The following PROKR2 variants were observed in gnomAD, a reference collection of about 807,000 sequenced individuals.
The protein encoded by PROKR2 is G protein-coupled receptor 73-like 1.
PROKR2 carries 26 observed loss-of-function variants against 23.4 expected under a neutral mutation model. The observed-to-expected ratio is 1.11, with a 90% CI of 0.81 to 1.54. The LOEUF is 1.54. Among genes scored for constraint, PROKR2 ranks in the 40% most tolerant of loss-of-function variants. The pLI, the probability that PROKR2 is intolerant of heterozygous loss-of-function variation, is 0.00. For missense variants in PROKR2, 453 were observed against 511.5 expected (o/e 0.89, Z 1.10); for synonymous variants, 212 against 201.2 (o/e 1.05, Z -0.45).
At chr20:5,308,126 C>T (rs1256632618) in intron 2 of PROKR2, among the ~76,000 whole-genome samples, 5 of 152,190 alleles carry the variant, frequency 3.3e-5, no homozygotes. Flanking sequence ...AAGTAGCTCA[C>T]TGTGACAAAG....
rs769846786 is a variant in PROKR2, at chr20:5,302,263, T to C, written c.932A>G (p.Tyr311Cys). Residue 311 changes from tyrosine to cysteine, a missense_variant, in exon 3 of 3, where the codon TAC (tyrosine) becomes TGC (cysteine). Physicochemically the swap from Tyr to Cys is radical, Grantham distance 194. Transcript: ENST00000678254. ...FPTVFVKEKHYLTAFYVVECI... is the reference protein window; with the variant it reads ...FPTVFVKEKHCLTAFYVVECI... ...CTCGACCACGTAGAAGGCAGTGAGGTAGTGCTTTTCCTTCACGAACACAGT... is the reference window on the plus strand; with the variant it reads ...CTCGACCACGTAGAAGGCAGTGAGGCAGTGCTTTTCCTTCACGAACACAGT... 6.2e-7 allele frequency: 1 copy of C among 1,614,084 alleles called. No individual in the cohort carries two copies. The highest frequency in any genetic ancestry group is 8.5e-7 in the Non-Finnish European group (1 of 1,179,996).
chr20:5,308,152 T>C (rs6085082), intron 2 of PROKR2, among the ~76,000 whole-genome samples: 57,178 of 151,828 alleles, frequency 0.38, 10,867 homozygotes, highest in East Asian at 0.48. Flanking sequence ...TTTGCTTTTA[T>C]CGATTTGCAA....
rs1979504116 is a variant in PROKR2 at position 5,313,146 on chromosome 20, A to G, written c.458+766T>C. Among the ~76,000 whole-genome samples, 6 of 151,608 alleles carry G rather than the reference A, an allele frequency of 4.0e-5. No homozygotes were observed. The South Asian group carries it at 1.2e-3, about 31-fold the overall frequency. Reference sequence around the variant, plus strand: ...ATGCCATTAAGTATTTACAATTATTATGTGTCAATTAAAAATAATAAAAGC... The same window carrying G: ...ATGCCATTAAGTATTTACAATTATTGTGTGTCAATTAAAAATAATAAAAGC... On this transcript the variant is annotated intron_variant, in intron 2 of 2. Coordinates refer to ENST00000678254, the MANE Select transcript of PROKR2 (RefSeq NM_144773.4).
intron 2 of PROKR2, among the ~76,000 whole-genome samples, chr20:5,307,603 G>A (rs1440409691): frequency 6.6e-6 from 1 of 152,222 alleles, no homozygotes; most frequent in Non-Finnish European, 1.5e-5. Context: ...TTATTGATTG[G>A]TCCCCTTAGG....
At position 5,299,703 on chromosome 20, in the gene PROKR2, C is replaced by A. The variant is rs1260290210; in HGVS notation, c.*2337G>T. ...GCAGTGGTGTGATCTCAATTCACTGCAACCTCTGCCTCTGGGGTTCAAGCA... is the reference window on the plus strand; with the variant it reads ...GCAGTGGTGTGATCTCAATTCACTGAAACCTCTGCCTCTGGGGTTCAAGCA... On this transcript the variant is annotated 3_prime_UTR_variant, in exon 3 of 3. Transcript: ENST00000678254. Among the ~76,000 whole-genome samples, 1 of 152,190 alleles carries A rather than the reference C, an allele frequency of 6.6e-6. No homozygotes were observed. The highest frequency in any genetic ancestry group is 1.9e-4 in the East Asian group (1 of 5,194).
chr20:5,302,473 A>T lies in PROKR2; in HGVS notation c.722T>A (p.Leu241Gln). 6.2e-7 allele frequency: 1 copy of T among 1,614,232 alleles called. No individual in the cohort carries two copies. Among genetic ancestry groups the T allele is most frequent in the African/African-American group, 1.3e-5 (1 of 75,054 alleles). The change falls in exon 3 of 3, where the codon CTG becomes CAG. Residue 241 changes from leucine to glutamine, a missense_variant. Coordinates refer to ENST00000678254, the MANE Select transcript of PROKR2 (RefSeq NM_144773.4). ...EFVGPVVTMT[L>Q]CYARISRELW... Reference sequence around the variant, plus strand: ...CTCCCGGGAGATCCTGGCATAGCACAGGGTCATGGTGACCACAGGGCCCAC... The same window carrying T: ...CTCCCGGGAGATCCTGGCATAGCACTGGGTCATGGTGACCACAGGGCCCAC...
At chr20:5,311,821 C>T (rs1979455252) in intron 2 of PROKR2, among the ~76,000 whole-genome samples, 1 of 152,214 alleles carries the variant, frequency 6.6e-6, no homozygotes, top group African/African-American at 2.4e-5. Flanking sequence ...TGCCCTCAAA[C>T]ATTGGACTTC....
At chr20:5,303,414 G>A (rs1380197572) in intron 2 of PROKR2, among the ~76,000 whole-genome samples, 2 of 152,144 alleles carry the variant, frequency 1.3e-5, no homozygotes, top group African/African-American at 4.8e-5. Context: ...AAAAGTAAAT[G>A]CCTTGCCCAA....
At chr20:5,313,448 T>C (rs1212329215) in intron 2 of PROKR2, among the ~76,000 whole-genome samples, 1 of 152,194 alleles carries the variant, frequency 6.6e-6, no homozygotes, top group East Asian at 1.9e-4. Flanking sequence ...AGAAATCAGA[T>C]TGGTGGTTGC....
chr20:5,315,665 A>C, intron 1 of PROKR2: 1 of 354,304 alleles, frequency 2.8e-6, no homozygotes, highest in Non-Finnish European at 5.6e-6. Context: ...GCGCCAGCAA[A>C]AGACACCCTA....
Position 5,314,355 on chromosome 20 carries a change from A to C in PROKR2, c.15T>G (p.Asn5Lys). 1 of 1,614,048 alleles carries C rather than the reference A, an allele frequency of 6.2e-7. No individual in the cohort carries two copies. The highest frequency in any genetic ancestry group is 1.3e-5 in the African/African-American group (1 of 75,044). MAAQ[N>K]GNTSFTPNFN... is the part of the protein sequence containing the mutation. ...AGTTGGGTGTGAAACTGGTGTTTCC[A>C]TTCTGGGCTGCCATGGTGATGTCTG... Residue 5 changes from asparagine (N) to lysine (K), a missense_variant, in exon 2 of 3, where the codon AAT becomes AAG. By Grantham distance (94) the Asn-to-Lys change is moderately conservative. Transcript: ENST00000678254.
Position 5,314,366 on chromosome 20 carries a change from C to T in PROKR2, c.4G>A (p.Ala2Thr), listed in dbSNP as rs764073408. Reference protein sequence around the residue: MAAQNGNTSFTP... With the variant: MTAQNGNTSFTP... ...AAACTGGTGTTTCCATTCTGGGCTG[C>T]CATGGTGATGTCTGCAAGAAAAGTG... The change falls in exon 2 of 3, where the codon GCA (alanine) becomes ACA (threonine). Residue 2 changes from alanine to threonine, a missense_variant. Transcript: ENST00000678254. 1 of 1,613,762 alleles carries T rather than the reference C, an allele frequency of 6.2e-7. No individual in the cohort carries two copies. The highest frequency in any genetic ancestry group is 8.5e-7 in the Non-Finnish European group (1 of 1,179,958).
At chr20:5,314,614 G>A (rs1018046802) in intron 1 of PROKR2, among the ~76,000 whole-genome samples, 2 of 152,184 alleles carry the variant, frequency 1.3e-5, no homozygotes, top group African/African-American at 4.8e-5. Context: ...GGAACTACCC[G>A]GGATGCGGGG....
At chr20:5,304,063 AC>A (rs1782972427) in intron 2 of PROKR2, among the ~76,000 whole-genome samples, 1 of 151,968 alleles carries the variant, frequency 6.6e-6, no homozygotes, top group African/African-American at 2.4e-5. Flanking sequence ...ACTCTTCTGC[AC>A]CCCCTCCTTA....
intron 2 of PROKR2, 56 bp downstream of exon 2, chr20:5,313,856 T>G: frequency 9.1e-6 from 13 of 1,434,932 alleles, no homozygotes; most frequent in Non-Finnish European, 1.2e-5. Flanking sequence ...AGAGCCTAAA[T>G]GAGGAAAGAG....
In PROKR2 at chr20:5,300,067, C is replaced by T. The variant is rs1174611102; in HGVS notation, c.*1973G>A. On this transcript the variant is annotated 3_prime_UTR_variant, in exon 3 of 3. Coordinates refer to ENST00000678254, the MANE Select transcript of PROKR2 (RefSeq NM_144773.4). ...AACAAGCAAACAATTAATTCCTTGTCTATAAAAAATTAGGAATTGGTCAAA... is the reference window on the plus strand; with the variant it reads ...AACAAGCAAACAATTAATTCCTTGTTTATAAAAAATTAGGAATTGGTCAAA... 6.6e-6 allele frequency among the ~76,000 whole-genome samples: 1 copy of T among 152,192 alleles called. No homozygotes were observed. The highest frequency in any genetic ancestry group is 1.5e-5 in the Non-Finnish European group (1 of 68,034).
At chr20:5,308,813 A>G (rs893079006) in intron 2 of PROKR2, among the ~76,000 whole-genome samples, 1 of 152,134 alleles carries the variant, frequency 6.6e-6, no homozygotes, top group African/African-American at 2.4e-5. Flanking sequence ...GCCTTCTGTC[A>G]TGTTATTTCT....
At position 5,316,626 on chromosome 20, in the gene PROKR2, G is replaced by A. The variant is rs183400760; in HGVS notation, c.-141C>T. Among the ~76,000 whole-genome samples, 5 of 152,386 alleles carry A rather than the reference G, an allele frequency of 3.3e-5. No individual in the cohort carries two copies. The highest frequency in any genetic ancestry group is 1.2e-4 in the African/African-American group (5 of 41,598). On this transcript the variant is annotated 5_prime_UTR_variant, in exon 1 of 3. In the 5' UTR this introduces an upstream ATG that the reference lacks. Coordinates refer to ENST00000678254, the MANE Select transcript of PROKR2 (RefSeq NM_144773.4). The surrounding 1 kb of genome is among the most constrained non-coding windows in gnomAD (Gnocchi z 5.0). ...GGACTTGCACTTGCAGAGCCGCTGC[G>A]TGGGGGATGTCCCTCTTTTTTCCTC...
rs1220872096 is a variant in PROKR2, at chr20:5,300,924, A to T, written c.*1116T>A. On this transcript the variant is annotated 3_prime_UTR_variant, in exon 3 of 3. Coordinates refer to ENST00000678254, the MANE Select transcript of PROKR2 (RefSeq NM_144773.4). Reference sequence around the variant, plus strand: ...CTCAGGATTACCCATCTCCACCCAAATAAAATGATAAGCTTTCAAGCATCA... The same window carrying T: ...CTCAGGATTACCCATCTCCACCCAATTAAAATGATAAGCTTTCAAGCATCA... Among the ~76,000 whole-genome samples the T allele has an allele frequency of 6.6e-6, 1 of 152,196 alleles. No individual in the cohort carries two copies. The highest frequency in any genetic ancestry group is 1.5e-5 in the Non-Finnish European group (1 of 68,032).
Sources: gnomAD v4.1 joint callset for allele counts (sites outside exome capture counted in the v4.1 genomes callset) on GRCh38, gnomAD v4.1.1 for gene constraint, Gnocchi (gnomAD v3.1) non-coding constraint, MANE v1.5 for transcripts, NCBI Gene and HGNC (gene_info 2026-07-23, HGNC 2026-07-21) for gene names.